The following MALRD1 variants were observed in gnomAD, a reference collection of about 807,000 sequenced individuals.
MALRD1 encodes the protein MAM and LDL receptor class A domain containing 1.
Under a neutral mutation model 242.1 loss-of-function variants are expected in MALRD1, and 247 were observed. The observed-to-expected ratio is 1.02, with a 90% CI of 0.92 to 1.13. The LOEUF (loss-of-function observed/expected upper bound fraction) is 1.13. MALRD1 is among the 50% of genes most tolerant of loss of function. The pLI is 0.00. For synonymous variants in MALRD1, 995 were observed against 866.6 expected, an observed-to-expected ratio of 1.15 and a Z score of -2.60; for missense variants, 2,989 against 2,533.1, an observed-to-expected ratio of 1.18 and a Z score of -3.86.
At position 19,142,178 on chromosome 10, in the gene MALRD1, A is replaced by C. The variant is rs1026742885; in HGVS notation, c.1412-4020A>C. ...CAGAGCGAGACTCTAACTCAAAAAA[A>C]AAAAAAAAAAAAAAAAAAAGTGGAA... On this transcript the variant is annotated intron_variant, in intron 10 of 39. Coordinates refer to ENST00000454679, the MANE Select transcript of MALRD1 (RefSeq NM_001142308.3). Among the ~76,000 whole-genome samples, 6 of 149,664 alleles carry C rather than the reference A, an allele frequency of 4.0e-5. No individual in the cohort carries two copies. In the East Asian group the frequency reaches 1.2e-3, roughly 29 times the overall value.
chr10:19,352,213 G>A lies in MALRD1; in HGVS notation c.4357G>A (p.Ala1453Thr). 1 of 1,550,382 alleles carries A rather than the reference G, an allele frequency of 6.5e-7. No homozygotes were observed. Among genetic ancestry groups the A allele is most frequent in the East Asian group, 2.4e-5 (1 of 40,878 alleles). Residue 1453 changes from alanine (A) to threonine (T), a missense_variant, in exon 26 of 40, where the codon GCA (alanine) becomes ACA (threonine). By Grantham distance (58) the Ala-to-Thr change is moderately conservative (BLOSUM62 0). Coordinates refer to ENST00000454679, the MANE Select transcript of MALRD1 (RefSeq NM_001142308.3). ...RVGKGQRGDI[A>T]LDDIVLTENC... ...TGGGAAAGGTCAGCGTGGAGACATT[G>A]CACTTGATGACATTGTGCTTACAGA...
intron 28 of MALRD1, among the ~76,000 whole-genome samples, chr10:19,399,840 G>A (rs1332766071): frequency 2.0e-5 from 3 of 152,044 alleles, no homozygotes; most frequent in Non-Finnish European, 4.4e-5. Context: ...AATATTTTCT[G>A]ATAATCTGTT....
At chr10:19,252,939 C>T in intron 18 of MALRD1, among the ~76,000 whole-genome samples, 1 of 151,798 alleles carries the variant, frequency 6.6e-6, no homozygotes, top group Non-Finnish European at 1.5e-5. Context: ...GCAAATAGTT[C>T]CCTCAGTATT....
rs35301063 is a variant in MALRD1, at chr10:19,665,884, A to AT, written c.6138-26383dup. ...TGTAGCCTTGAGATCTTTTCTAATG[A>AT]TTTTTTTTTTTTTTTAATTCCTTGC... On this transcript the variant is annotated intron_variant, in intron 36 of 39. Coordinates refer to ENST00000454679, the MANE Select transcript of MALRD1 (RefSeq NM_001142308.3). Among the ~76,000 whole-genome samples the AT allele has an allele frequency of 2.7e-3, 396 of 146,476 alleles. 3 individuals carry two copies. The highest frequency in any genetic ancestry group is 8.7e-3 in the African/African-American group (342 of 39,328).
At chr10:19,674,805 C>A (rs1842068830) in intron 36 of MALRD1, among the ~76,000 whole-genome samples, 1 of 152,056 alleles carries the variant, frequency 6.6e-6, no homozygotes, top group East Asian at 1.9e-4. Flanking sequence ...GACTTGCAGC[C>A]ATTTTCAATT....
intron 18 of MALRD1, among the ~76,000 whole-genome samples, chr10:19,252,292 G>C (rs992187778): frequency 2.6e-5 from 4 of 152,016 alleles, no homozygotes; most frequent in Admixed American, 6.6e-5. Context: ...AAACGAAACT[G>C]TTATGGACTG....
rs7899500 is a variant in MALRD1 at position 19,098,772 on chromosome 10, G to A, written c.598-5207G>A. Among the ~76,000 whole-genome samples, 1,346 of 152,288 alleles carry A rather than the reference G, an allele frequency of 8.8e-3. 16 individuals are homozygous for A. Among genetic ancestry groups the A allele is most frequent in the Middle Eastern group, 0.017 (5 of 294 alleles). On this transcript the variant is annotated intron_variant, in intron 4 of 39. Transcript: ENST00000454679. ...ACATACAAGGAGTGAGGTTAAGAAT[G>A]GAGGTTTAATAGGTGAAAGAAAGAG...
At chr10:19,302,736 C>T (rs530655647) in intron 21 of MALRD1, among the ~76,000 whole-genome samples, 14 of 151,670 alleles carry the variant, frequency 9.2e-5, no homozygotes, top group Middle Eastern at 6.8e-3. Context: ...TCAAAAATTA[C>T]GTGAAGTGTG....
intron 11 of MALRD1, among the ~76,000 whole-genome samples, 153 bp from the exon 12 acceptor site, chr10:19,154,922 T>C (rs1834083302): frequency 6.6e-6 from 1 of 152,220 alleles, no homozygotes; most frequent in African/African-American, 2.4e-5. Context: ...ATAAATGCTA[T>C]TTGTTATCTA....
intron 35 of MALRD1, among the ~76,000 whole-genome samples, chr10:19,611,659 C>T (rs1838902952): frequency 6.6e-6 from 1 of 151,960 alleles, no homozygotes; most frequent in African/African-American, 2.4e-5. Flanking sequence ...CTACTTATCT[C>T]CTGGAAATAC....
chr10:19,143,122 T>C (rs142114424), intron 10 of MALRD1, among the ~76,000 whole-genome samples: 2 of 152,208 alleles, frequency 1.3e-5, no homozygotes, highest in Non-Finnish European at 2.9e-5. Flanking sequence ...TGTTTAGCAT[T>C]CTGTAAAAAG....
chr10:19,554,758 G>A (rs1381729182), intron 32 of MALRD1, among the ~76,000 whole-genome samples: 3 of 152,090 alleles, frequency 2.0e-5, no homozygotes, highest in African/African-American at 4.8e-5. Context: ...ATTCTATGGT[G>A]TATATGCACC....
At position 19,209,643 on chromosome 10, in the gene MALRD1, G is replaced by A; in HGVS notation, c.2954G>A (p.Arg985Lys). The A allele has an allele frequency of 6.4e-7, 1 of 1,550,754 alleles. No homozygotes were observed. The highest frequency in any genetic ancestry group is 8.7e-7 in the Non-Finnish European group (1 of 1,146,928). The change falls in exon 18 of 40, where the codon AGG becomes AAG. Residue 985 changes from arginine (R) to lysine (K), a missense_variant. Physicochemically the swap from Arg to Lys is conservative, Grantham distance 26 (BLOSUM62 2). Coordinates refer to ENST00000454679, the MANE Select transcript of MALRD1 (RefSeq NM_001142308.3). ...IFGNQGNRWI[R>K]KHLNISSRQP... ...GGGAATCAAGGCAACAGATGGATTA[G>A]GAAACACCTCAACATTTCCAGCAGG...
At chr10:19,604,661 G>A (rs7915851) in intron 34 of MALRD1, among the ~76,000 whole-genome samples, 77,810 of 151,986 alleles carry the variant, frequency 0.51, 20,037 homozygotes, top group Non-Finnish European at 0.53. Flanking sequence ...CAATGAAAGA[G>A]CCTTCTATTG....
chr10:19,524,303 C>G (rs562117255), intron 31 of MALRD1, among the ~76,000 whole-genome samples: 1 of 152,034 alleles, frequency 6.6e-6, no homozygotes, highest in South Asian at 2.1e-4. Flanking sequence ...TGGTGAAACC[C>G]TGTCTCTACT....
intron 18 of MALRD1, among the ~76,000 whole-genome samples, chr10:19,254,396 T>G (rs1839418793): frequency 6.6e-6 from 1 of 152,024 alleles, no homozygotes; most frequent in Non-Finnish European, 1.5e-5. Context: ...TGGAGATTAT[T>G]AACAAAGCCT....
chr10:19,270,866 T>A (rs894453337), intron 19 of MALRD1, among the ~76,000 whole-genome samples: 5 of 149,844 alleles, frequency 3.3e-5, no homozygotes, highest in African/African-American at 1.2e-4. Flanking sequence ...TAATATTATT[T>A]CACTGCACCA....
At chr10:19,169,871 C>A (rs1265277212) in intron 13 of MALRD1, among the ~76,000 whole-genome samples, 1 of 152,166 alleles carries the variant, frequency 6.6e-6, no homozygotes, top group Non-Finnish European at 1.5e-5. Context: ...TTCAGTTCCA[C>A]GTGTCTAAGC....
intron 25 of MALRD1, among the ~76,000 whole-genome samples, chr10:19,350,271 C>CTTTTTTTTTTTTTTTTTTTTTTTTTT: frequency 8.4e-6 from 1 of 118,484 alleles, no homozygotes; most frequent in Non-Finnish European, 1.7e-5. Context: ...TTCTTTTTTT[C>CTTTTTTTTTTTTTTTTTTTTTTTTTT]TTTTTTTTTT....
Sources: allele counts gnomAD v4.1 joint callset (sites outside exome capture counted in the v4.1 genomes callset), GRCh38; gene constraint gnomAD v4.1.1; transcripts MANE v1.5; gene names NCBI Gene and HGNC (gene_info 2026-07-23, HGNC 2026-07-21).